Variants in EXOC6B observed in about 807,000 individuals in gnomAD.
The protein encoded by EXOC6B is SEC15 homolog B.
Under a neutral mutation model 113.5 loss-of-function variants are expected in EXOC6B, and 54 were observed. The observed-to-expected ratio is 0.48, with a 90% CI of 0.38 to 0.60. The LOEUF is 0.60. Ranked by LOEUF, EXOC6B falls within the 20% of genes least tolerant of loss-of-function variation. The probability of loss-of-function intolerance (pLI) is 0.00; values close to 1 mark genes in which losing one functional copy is unlikely to be tolerated. For synonymous variants in EXOC6B, 357 were observed against 339.0 expected (o/e 1.05, Z -0.58); for missense variants, 797 against 977.5 (o/e 0.82, Z 2.46).
At chr2:72,724,883 A>G (rs994804308) in intron 5 of EXOC6B, among the ~76,000 whole-genome samples, 1 of 152,024 alleles carries the variant, frequency 6.6e-6, no homozygotes, top group African/African-American at 2.4e-5. Context: ...AAGCACAGAG[A>G]GGGCTGAGGG....
intron 8 of EXOC6B, among the ~76,000 whole-genome samples, chr2:72,557,126 T>C (rs1310213091): frequency 1.3e-5 from 2 of 151,534 alleles, no homozygotes; most frequent in African/African-American, 4.9e-5. Flanking sequence ...CTGAGTAAAT[T>C]AAAAGCACAT....
At chr2:72,521,989 C>A (rs942252330) in intron 8 of EXOC6B, among the ~76,000 whole-genome samples, 1 of 152,180 alleles carries the variant, frequency 6.6e-6, no homozygotes, top group Admixed American at 6.5e-5. Flanking sequence ...AGCCACTGCA[C>A]CCGGCCAGTT....
intron 20 of EXOC6B, among the ~76,000 whole-genome samples, chr2:72,184,532 C>T (rs1350667949): frequency 6.6e-6 from 1 of 152,116 alleles, no homozygotes; most frequent in East Asian, 1.9e-4. Context: ...TTAATAAATA[C>T]TTATCAAATG....
chr2:72,411,209 C>T (rs1454001114), intron 18 of EXOC6B, among the ~76,000 whole-genome samples: 2 of 151,794 alleles, frequency 1.3e-5, no homozygotes, highest in East Asian at 3.9e-4. Flanking sequence ...GAGACCCTGC[C>T]TCAAAAAACA....
chr2:72,718,504 G>C (rs1244742481), intron 5 of EXOC6B, among the ~76,000 whole-genome samples, 197 bp from the exon 6 acceptor site: 7 of 152,102 alleles, frequency 4.6e-5, no homozygotes, highest in African/African-American at 9.7e-5. Flanking sequence ...ATCAAAAAAA[G>C]ATTTTATCCA....
intron 7 of EXOC6B, among the ~76,000 whole-genome samples, chr2:72,566,177 T>C (rs1350756990): frequency 6.6e-6 from 1 of 152,174 alleles, no homozygotes; most frequent in Non-Finnish European, 1.5e-5. Context: ...TGCCCCTTTG[T>C]AGTAAAATTG....
At chr2:72,603,379 C>T (rs1276000085) in intron 6 of EXOC6B, among the ~76,000 whole-genome samples, 1 of 151,912 alleles carries the variant, frequency 6.6e-6, no homozygotes, top group Non-Finnish European at 1.5e-5. Context: ...CCCCCCAGCA[C>T]CTGAGAATTT....
At chr2:72,447,974 T>C (rs1696688185) in intron 18 of EXOC6B, among the ~76,000 whole-genome samples, 1 of 152,196 alleles carries the variant, frequency 6.6e-6, no homozygotes. Flanking sequence ...ATCCACTCAT[T>C]AAACTGCAAA....
At chr2:72,346,663 A>T (rs982893045) in intron 19 of EXOC6B, among the ~76,000 whole-genome samples, 1 of 152,178 alleles carries the variant, frequency 6.6e-6, no homozygotes, top group Non-Finnish European at 1.5e-5. Flanking sequence ...TATCTAAGGA[A>T]ATATTCTAAA....
intron 20 of EXOC6B, among the ~76,000 whole-genome samples, chr2:72,244,536 GA>G (rs982923553): frequency 6.6e-6 from 1 of 150,566 alleles, no homozygotes; most frequent in African/African-American, 2.4e-5. Flanking sequence ...GTAATCAGAA[GA>G]AAAAAAAGCA....
At chr2:72,813,795 G>T (rs759231681) in intron 1 of EXOC6B, among the ~76,000 whole-genome samples, 3 of 152,128 alleles carry the variant, frequency 2.0e-5, no homozygotes, top group Admixed American at 1.3e-4. Flanking sequence ...TAGCATCAGA[G>T]CTTCCCCAGG....
intron 1 of EXOC6B, among the ~76,000 whole-genome samples, chr2:72,817,649 T>C (rs535712321): frequency 6.6e-6 from 1 of 152,300 alleles, no homozygotes; most frequent in South Asian, 2.1e-4. Flanking sequence ...TAATAAGTTA[T>C]TCAAAGAAAA....
intron 20 of EXOC6B, among the ~76,000 whole-genome samples, chr2:72,228,417 C>G (rs1045564847): frequency 7.2e-6 from 1 of 139,618 alleles, no homozygotes; most frequent in African/African-American, 2.6e-5. Flanking sequence ...TCCCTCCCCC[C>G]TCCCCTCACC....
At chr2:72,638,228 A>G (rs185046909) in intron 6 of EXOC6B, among the ~76,000 whole-genome samples, 6 of 152,328 alleles carry the variant, frequency 3.9e-5, no homozygotes, top group Admixed American at 3.9e-4. Context: ...ATGAGCAACT[A>G]TATGCTGATA....
chr2:72,646,046 CA>C (rs1195419974), intron 6 of EXOC6B, among the ~76,000 whole-genome samples: 1 of 151,918 alleles, frequency 6.6e-6, no homozygotes, highest in African/African-American at 2.4e-5. Flanking sequence ...AGACCATTAG[CA>C]AGACAAATAA....
intron 20 of EXOC6B, among the ~76,000 whole-genome samples, chr2:72,304,662 T>C (rs552393832): frequency 6.6e-5 from 10 of 152,172 alleles, no homozygotes; most frequent in Non-Finnish European, 1.2e-4. Context: ...GAAAGTCAAC[T>C]CAAAGATCAA....
At chr2:72,787,425 C>A (rs1049742873) in intron 1 of EXOC6B, among the ~76,000 whole-genome samples, 1 of 151,842 alleles carries the variant, frequency 6.6e-6, no homozygotes, top group South Asian at 2.1e-4. Flanking sequence ...GTCTCGAACT[C>A]CTGATCTCAA....
At chr2:72,642,257 A>AC (rs1226693228) in intron 6 of EXOC6B, among the ~76,000 whole-genome samples, 18 of 148,886 alleles carry the variant, frequency 1.2e-4, no homozygotes, top group African/African-American at 3.5e-4. Context: ...GAATTGGAAA[A>AC]AACTACTTTA....
At chr2:72,796,076 G>A (rs1316501220) in intron 1 of EXOC6B, among the ~76,000 whole-genome samples, 2 of 151,224 alleles carry the variant, frequency 1.3e-5, no homozygotes, top group African/African-American at 4.8e-5. Context: ...GCCCACCTTG[G>A]CCTCCCAAAG....
Sources: gnomAD v4.1 joint callset for allele counts (sites outside exome capture counted in the v4.1 genomes callset) on GRCh38, gnomAD v4.1.1 for gene constraint, MANE v1.5 for transcripts, NCBI Gene and HGNC (gene_info 2026-07-23, HGNC 2026-07-21) for gene names.